The following FAM241A variants were observed in gnomAD, a reference collection of about 807,000 sequenced individuals.
FAM241A encodes the protein family with sequence similarity 241 member A, also known as uncharacterized protein FAM241A.
In FAM241A, 7 loss-of-function variants were observed where a neutral mutation model predicts 12.2. The ratio of observed to expected loss-of-function variants is 0.58; its 90% CI spans 0.33 to 1.08. FAM241A has a LOEUF of 1.08. FAM241A is among the 50% of genes least tolerant of loss of function. The pLI is 0.04. For missense variants in FAM241A, 161 were observed against 169.7 expected, an observed-to-expected ratio of 0.95 and a Z score of 0.29; for synonymous variants, 74 against 68.2, an observed-to-expected ratio of 1.08 and a Z score of -0.42.
In FAM241A at chr4:112,193,541, G is replaced by C. The variant is rs1302588876; in HGVS notation, c.*6603G>C. ...ATTTTTGTATAAGGTGTAAGGAAGG[G>C]ATCCAGTTTCAGCTTTCTACATATG... On this transcript the variant is annotated 3_prime_UTR_variant, in exon 2 of 2. Transcript: ENST00000309733. 1 of 152,144 alleles carries C rather than the reference G, an allele frequency of 6.6e-6. No homozygotes were observed. The highest frequency in any genetic ancestry group is 2.1e-4 in the South Asian group (1 of 4,826). 9.4% of individuals were successfully genotyped at this position (152,144 alleles called of 1,614,324 possible). A position where few individuals can be genotyped will look rare whatever the true frequency, so the allele number is the denominator to read the frequency against.
intron 1 of FAM241A, among the ~76,000 whole-genome samples, chr4:112,180,428 T>G (rs1046843572): frequency 6.6e-6 from 1 of 152,164 alleles, no homozygotes; most frequent in Non-Finnish European, 1.5e-5. Context: ...TAATTTTGTG[T>G]CCTCTTTATA....
chr4:112,146,863 A>G (rs1723148023), intron 1 of FAM241A, among the ~76,000 whole-genome samples: 1 of 152,234 alleles, frequency 6.6e-6, no homozygotes, highest in Non-Finnish European at 1.5e-5. Flanking sequence ...GTGACAATAT[A>G]AGAGAAAGTG....
intron 1 of FAM241A, among the ~76,000 whole-genome samples, chr4:112,178,894 G>A (rs1251837754): frequency 6.6e-6 from 1 of 152,062 alleles, no homozygotes; most frequent in Non-Finnish European, 1.5e-5. Flanking sequence ...CATCACTCAT[G>A]AGAGAAATAC....
intron 1 of FAM241A, among the ~76,000 whole-genome samples, chr4:112,163,383 T>C (rs1001292621): frequency 1.2e-4 from 19 of 152,122 alleles, no homozygotes; most frequent in Non-Finnish European, 2.1e-4. Flanking sequence ...ACCTACAGAA[T>C]GGGAGAAAAA....
At chr4:112,149,180 CT>C (rs946504225) in intron 1 of FAM241A, among the ~76,000 whole-genome samples, 2 of 151,036 alleles carry the variant, frequency 1.3e-5, no homozygotes, top group African/African-American at 4.9e-5. Context: ...TATATACACA[CT>C]TTTTTTTTGA....
intron 1 of FAM241A, among the ~76,000 whole-genome samples, chr4:112,152,777 A>T (rs1723270428): frequency 6.6e-6 from 1 of 152,170 alleles, no homozygotes; most frequent in African/African-American, 2.4e-5. Flanking sequence ...GACAGATCTA[A>T]TTTTGAATCC....
At chr4:112,176,582 ACTGTG>A (rs1723827230) in intron 1 of FAM241A, among the ~76,000 whole-genome samples, 1 of 152,128 alleles carries the variant, frequency 6.6e-6, no homozygotes, top group Non-Finnish European at 1.5e-5. Flanking sequence ...AAAGTAAGAG[ACTGTG>A]CTTTAATTAT....
chr4:112,149,310 A>G (rs1009572906), intron 1 of FAM241A, among the ~76,000 whole-genome samples: 1 of 152,046 alleles, frequency 6.6e-6, no homozygotes, highest in African/African-American at 2.4e-5. Context: ...CCAGCCACAC[A>G]TGTATTTTTA....
chr4:112,167,124 A>T (rs200658470), intron 1 of FAM241A, among the ~76,000 whole-genome samples: 14 of 126,016 alleles, frequency 1.1e-4, no homozygotes, highest in African/African-American at 3.5e-4. Flanking sequence ...AAAAAAAAAA[A>T]AAATAAAAAT....
At position 112,194,078 on chromosome 4, in the gene FAM241A, G is replaced by T. The variant is rs1428779080; in HGVS notation, c.*7140G>T. Reference sequence around the variant, plus strand: ...AGGTCCTTCACGTCCCTTGTAAGTTGGATTCCTAGGTATTTTGTTCTCTTT... The same window carrying T: ...AGGTCCTTCACGTCCCTTGTAAGTTTGATTCCTAGGTATTTTGTTCTCTTT... On this transcript the variant is annotated 3_prime_UTR_variant, in exon 2 of 2. Coordinates refer to ENST00000309733, the MANE Select transcript of FAM241A (RefSeq NM_152400.3). 6.5e-5 allele frequency: 9 copies of T among 139,174 alleles called. No individual in the cohort carries two copies. The highest frequency in any genetic ancestry group is 1.2e-4 in the Non-Finnish European group (8 of 65,352). The allele number at this position is 139,174 out of a possible 1,614,324, so 8.6% of individuals were successfully genotyped here. A position where few individuals can be genotyped will look rare whatever the true frequency, so the allele number is the denominator to read the frequency against.
At position 112,193,207 on chromosome 4, in the gene FAM241A, T is replaced by C. The variant is rs1253215426; in HGVS notation, c.*6269T>C. On this transcript the variant is annotated 3_prime_UTR_variant, in exon 2 of 2. Coordinates refer to ENST00000309733, the MANE Select transcript of FAM241A (RefSeq NM_152400.3). ...TTTGATGGGGTTGTTTGTTTTTTTCTTGTAAATTTGTTTGAGTTCATTGTA... is the reference window on the plus strand; with the variant it reads ...TTTGATGGGGTTGTTTGTTTTTTTCCTGTAAATTTGTTTGAGTTCATTGTA... 4 of 151,716 alleles carry C rather than the reference T, an allele frequency of 2.6e-5. No individual in the cohort carries two copies. Among genetic ancestry groups the C allele is most frequent in the African/African-American group, 9.7e-5 (4 of 41,258 alleles). 9.4% of individuals were successfully genotyped at this position (151,716 alleles called of 1,614,324 possible).
chr4:112,172,927 A>G (rs1035439579), intron 1 of FAM241A, among the ~76,000 whole-genome samples: 1 of 152,100 alleles, frequency 6.6e-6, no homozygotes, highest in Non-Finnish European at 1.5e-5. Context: ...TGGCCTTGTC[A>G]CCCAGGCTGG....
chr4:112,164,242 A>G (rs1723545341), intron 1 of FAM241A, among the ~76,000 whole-genome samples: 2 of 151,774 alleles, frequency 1.3e-5, no homozygotes, highest in Non-Finnish European at 1.5e-5. Context: ...TTGCACATGT[A>G]TCCTAGAACT....
chr4:112,150,882 G>C (rs1255015000), intron 1 of FAM241A, among the ~76,000 whole-genome samples: 3 of 152,214 alleles, frequency 2.0e-5, no homozygotes, highest in African/African-American at 7.2e-5. Flanking sequence ...ACTTAGAGCA[G>C]TCTCTGGCAC....
Position 112,188,392 on chromosome 4 carries a change from A to T in FAM241A, c.*1454A>T, listed in dbSNP as rs1458247285. The T allele has an allele frequency of 2.6e-5, 4 of 152,178 alleles. No individual in the cohort carries two copies. The highest frequency in any genetic ancestry group is 5.9e-5 in the Non-Finnish European group (4 of 68,016). 9.4% of individuals were successfully genotyped at this position (152,178 alleles called of 1,614,324 possible). ...TCATTCTGAAACAGAAAATAAGGAA[A>T]AACATTTAACTTAGTTTTCTAAAAT... On this transcript the variant is annotated 3_prime_UTR_variant, in exon 2 of 2. Transcript: ENST00000309733.
chr4:112,171,169 AATT>A (rs2110429697), intron 1 of FAM241A: 2 of 530,268 alleles, frequency 3.8e-6, no homozygotes, highest in East Asian at 4.1e-5. Flanking sequence ...ACCATTTTAA[AATT>A]ATTATTTTTA....
intron 1 of FAM241A, among the ~76,000 whole-genome samples, chr4:112,184,540 A>T (rs1028453779): frequency 6.6e-6 from 1 of 152,176 alleles, no homozygotes. Flanking sequence ...AAAAAAAATT[A>T]TATAAAAGTA....
intron 1 of FAM241A, among the ~76,000 whole-genome samples, chr4:112,172,659 G>A (rs1037260803): frequency 1.8e-4 from 27 of 152,068 alleles, no homozygotes; most frequent in African/African-American, 6.0e-4. Context: ...GTTTATAAAT[G>A]TTAACCTCCA....
intron 1 of FAM241A, among the ~76,000 whole-genome samples, chr4:112,156,359 C>A (rs555566467): frequency 6.6e-6 from 1 of 152,102 alleles, no homozygotes; most frequent in Non-Finnish European, 1.5e-5. Context: ...ACCTCCCACC[C>A]CATAATCCTC....
Sources: allele counts gnomAD v4.1 joint callset (sites outside exome capture counted in the v4.1 genomes callset), GRCh38; gene constraint gnomAD v4.1.1; transcripts MANE v1.5; gene names NCBI Gene and HGNC (gene_info 2026-07-23, HGNC 2026-07-21).